The following FAF1 variants were observed in gnomAD, a reference collection of about 807,000 sequenced individuals.
FAF1 encodes FAS-associated factor 1.
In FAF1, 25 loss-of-function variants were observed where a neutral mutation model predicts 92.5. That is an observed-to-expected ratio of 0.27 (90% CI 0.20 to 0.38). The LOEUF is 0.38. Ranked by LOEUF, FAF1 falls within the 10% of genes least tolerant of loss-of-function variation. The probability of loss-of-function intolerance (pLI) is 1.00; values close to 1 mark genes in which losing one functional copy is unlikely to be tolerated. For synonymous variants in FAF1, 234 were observed against 273.2 expected, an observed-to-expected ratio of 0.86 and a Z score of 1.42; for missense variants, 636 against 793.3, an observed-to-expected ratio of 0.80 and a Z score of 2.38.
chr1:50,576,860 T>A (rs1422830937), intron 12 of FAF1, among the ~76,000 whole-genome samples: 1 of 150,388 alleles, frequency 6.6e-6, no homozygotes, highest in Admixed American at 6.6e-5. Context: ...GAGATGGTGA[T>A]CTCACCATGT....
intron 8 of FAF1, among the ~76,000 whole-genome samples, chr1:50,653,542 G>T (rs1654961417): frequency 6.6e-6 from 1 of 152,076 alleles, no homozygotes; most frequent in Non-Finnish European, 1.5e-5. Flanking sequence ...TAGAGACAGG[G>T]TTTCACCATG....
At chr1:50,643,019 AG>A (rs1404218507) in intron 8 of FAF1, among the ~76,000 whole-genome samples, 1 of 151,826 alleles carries the variant, frequency 6.6e-6, no homozygotes, top group Non-Finnish European at 1.5e-5. Context: ...TTTTGTAGAC[AG>A]GGTTTCACCA....
intron 7 of FAF1, among the ~76,000 whole-genome samples, chr1:50,656,716 C>T (rs1197982471): frequency 1.3e-5 from 2 of 151,770 alleles, no homozygotes; most frequent in Admixed American, 6.6e-5. Context: ...AACCTTGTCT[C>T]TATGAAAAAT....
At chr1:50,952,180 G>C (rs1017263715) in intron 1 of FAF1, among the ~76,000 whole-genome samples, 1 of 152,150 alleles carries the variant, frequency 6.6e-6, no homozygotes, top group South Asian at 2.1e-4. Flanking sequence ...CTGGACTGCC[G>C]CCATCTCGGC....
At chr1:50,955,616 T>C (rs527540233) in intron 1 of FAF1, among the ~76,000 whole-genome samples, 3 of 152,342 alleles carry the variant, frequency 2.0e-5, no homozygotes, top group East Asian at 1.9e-4. Context: ...GACTATGTGA[T>C]CCAGCAATTT....
intron 4 of FAF1, among the ~76,000 whole-genome samples, chr1:50,747,000 G>A (rs1016808966): frequency 6.6e-6 from 1 of 152,192 alleles, no homozygotes; most frequent in African/African-American, 2.4e-5. Context: ...TGCAAGAGTT[G>A]AGGCATGGGG....
chr1:50,759,484 T>C (rs1421972536), intron 4 of FAF1, among the ~76,000 whole-genome samples: 7 of 152,050 alleles, frequency 4.6e-5, no homozygotes, highest in Admixed American at 3.9e-4. Flanking sequence ...CATGAACTCA[T>C]CATTTTTTAT....
At chr1:50,685,784 C>T (rs955056837) in intron 7 of FAF1, among the ~76,000 whole-genome samples, 1 of 152,118 alleles carries the variant, frequency 6.6e-6, no homozygotes, top group African/African-American at 2.4e-5. Flanking sequence ...GAAGCTTCCT[C>T]CTCTTTCCCC....
intron 7 of FAF1, among the ~76,000 whole-genome samples, chr1:50,702,722 G>GT: frequency 6.6e-6 from 1 of 152,248 alleles, no homozygotes; most frequent in South Asian, 2.1e-4. Flanking sequence ...GTCACGCATT[G>GT]TGAGGCAGCA....
At chr1:50,844,962 A>C (rs142105761) in intron 2 of FAF1, among the ~76,000 whole-genome samples, 174 of 152,246 alleles carry the variant, frequency 1.1e-3, no homozygotes, top group Non-Finnish European at 1.8e-3. Flanking sequence ...AGGTTTAATA[A>C]AATAAAAGGT....
rs140395165 is a variant in FAF1, at chr1:50,887,095, G to C, written c.46-29098C>G. 7.8e-3 allele frequency among the ~76,000 whole-genome samples: 1,188 copies of C among 152,226 alleles called. 13 individuals are homozygous for C. Among genetic ancestry groups the C allele is most frequent in the African/African-American group, 0.027 (1,139 of 41,538 alleles). Reference sequence around the variant, plus strand: ...TTCTAACTGGTGTGAGATGGTATCTGATTGTGGTTTTGATTTGCATTTCTC... The same window carrying C: ...TTCTAACTGGTGTGAGATGGTATCTCATTGTGGTTTTGATTTGCATTTCTC... On this transcript the variant is annotated intron_variant, in intron 1 of 18. Coordinates refer to ENST00000396153, the MANE Select transcript of FAF1 (RefSeq NM_007051.3).
At chr1:50,889,717 G>C (rs186461338) in intron 1 of FAF1, among the ~76,000 whole-genome samples, 2 of 152,218 alleles carry the variant, frequency 1.3e-5, no homozygotes, top group Non-Finnish European at 2.9e-5. Flanking sequence ...TGATTGCACT[G>C]TGGTCTGAGA....
intron 7 of FAF1, among the ~76,000 whole-genome samples, chr1:50,672,019 CTTT>C (rs370154209): frequency 2.2e-5 from 3 of 138,126 alleles, no homozygotes; most frequent in Non-Finnish European, 4.7e-5. Context: ...GGTGGTCTTT[CTTT>C]TTTTTTTTTT....
chr1:50,478,160 G>A (rs1285513842), intron 17 of FAF1, among the ~76,000 whole-genome samples: 1 of 151,470 alleles, frequency 6.6e-6, no homozygotes. Flanking sequence ...AGTTACAGTG[G>A]TGGTTCTTTT....
chr1:50,938,366 C>T (rs1645103699), intron 1 of FAF1, among the ~76,000 whole-genome samples: 1 of 152,164 alleles, frequency 6.6e-6, no homozygotes, highest in Non-Finnish European at 1.5e-5. Flanking sequence ...GTCCTAGGAC[C>T]AGCTATGTAT....
At chr1:50,465,831 A>C (rs1478641465) in intron 18 of FAF1, among the ~76,000 whole-genome samples, 1 of 152,214 alleles carries the variant, frequency 6.6e-6, no homozygotes, top group Admixed American at 6.5e-5. Context: ...AGACTATTTC[A>C]GTAGAAGAAA....
chr1:50,793,538 T>C (rs1661638383), intron 3 of FAF1, among the ~76,000 whole-genome samples: 1 of 152,212 alleles, frequency 6.6e-6, no homozygotes, highest in South Asian at 2.1e-4. Flanking sequence ...ACTCGGTAAC[T>C]GGTAGATATT....
intron 13 of FAF1, among the ~76,000 whole-genome samples, chr1:50,542,259 A>G (rs1363788379): frequency 2.6e-5 from 4 of 152,204 alleles, no homozygotes; most frequent in Non-Finnish European, 5.9e-5. Context: ...TGTAGGGCTG[A>G]TGGACAGTAT....
chr1:50,524,241 GT>G (rs1459199932), intron 15 of FAF1, among the ~76,000 whole-genome samples: 3 of 151,950 alleles, frequency 2.0e-5, no homozygotes, highest in Non-Finnish European at 2.9e-5. Context: ...TCTTAATGGG[GT>G]TGTTATTTGT....
Sources: gnomAD v4.1 joint callset for allele counts (sites outside exome capture counted in the v4.1 genomes callset) on GRCh38, gnomAD v4.1.1 for gene constraint, MANE v1.5 for transcripts, NCBI Gene and HGNC (gene_info 2026-07-23, HGNC 2026-07-21) for gene names.